Variants in MYOF observed in about 807,000 individuals in gnomAD.
MYOF encodes fer-1-like 3, myoferlin.
In MYOF, 244 loss-of-function variants were observed where a neutral mutation model predicts 284.2. That is an observed-to-expected ratio of 0.86 (90% CI 0.77 to 0.95). The LOEUF is 0.95. Among genes scored for constraint, MYOF ranks in the 40% least tolerant of loss-of-function variants. The pLI, the probability that MYOF is intolerant of heterozygous loss-of-function variation, is 0.00. For missense variants in MYOF, 2,496 were observed against 2,560.6 expected, an observed-to-expected ratio of 0.97 and a Z score of 0.54; for synonymous variants, 904 against 919.7, an observed-to-expected ratio of 0.98 and a Z score of 0.31.
chr10:93,417,554 C>T (rs1848186824), intron 5 of MYOF, among the ~76,000 whole-genome samples: 1 of 151,976 alleles, frequency 6.6e-6, no homozygotes, highest in Admixed American at 6.6e-5. Flanking sequence ...TATCAATGTC[C>T]CTTCTTCCTC....
rs762167979 is a variant in MYOF at position 93,329,826 on chromosome 10, TC to T, written c.4819del (p.Glu1607AsnfsTer2). 33 of 1,614,038 alleles carry T rather than the reference TC, an allele frequency of 2.0e-5. No individual in the cohort carries two copies. Among genetic ancestry groups the T allele is most frequent in the African/African-American group, 4.0e-5 (3 of 74,910 alleles). On this transcript the variant is annotated frameshift_variant, in exon 44 of 54. Transcript: ENST00000359263. LOFTEE classifies it high-confidence loss of function. The stretch of plus-strand genomic sequence containing the variant: ...TTCTTGAGGTAAGTAGCAGCTCAGT[TC>T]GTACATCCTAAATAAACAAATGCAA... ...TLNPVFGRMY[E>X]LSCYLPQEKD...
intron 19 of MYOF, among the ~76,000 whole-genome samples, chr10:93,381,762 T>C (rs61866238): frequency 0.48 from 73,701 of 152,134 alleles, 19,365 homozygotes; most frequent in East Asian, 0.86. Context: ...TTGGGCTGGG[T>C]ACGGTGGCTC....
intron 30 of MYOF, among the ~76,000 whole-genome samples, chr10:93,356,413 G>C (rs954587623): frequency 6.6e-6 from 1 of 152,180 alleles, no homozygotes; most frequent in African/African-American, 2.4e-5. Context: ...AAGGGTCCTG[G>C]AACAGATATA....
intron 45 of MYOF, 48 bp downstream of exon 45, chr10:93,328,714 TG>T (rs1246552850): frequency 6.4e-7 from 1 of 1,561,672 alleles, no homozygotes; most frequent in Non-Finnish European, 8.8e-7. Flanking sequence ...GCAATATATA[TG>T]GGTTACTATA....
At chr10:93,477,396 G>A (rs575044273) in intron 1 of MYOF, among the ~76,000 whole-genome samples, 2 of 152,154 alleles carry the variant, frequency 1.3e-5, no homozygotes, top group South Asian at 4.1e-4. Flanking sequence ...GGAGACTGAG[G>A]CAGGAGAATC....
chr10:93,434,427 TCTC>T, intron 3 of MYOF, among the ~76,000 whole-genome samples: 1 of 51,440 alleles, frequency 1.9e-5, no homozygotes. Context: ...CAAGACCCTG[TCTC>T]AAAAAAAAAA....
At chr10:93,400,359 T>C (rs989081648) in intron 12 of MYOF, among the ~76,000 whole-genome samples, 2 of 150,790 alleles carry the variant, frequency 1.3e-5, no homozygotes, top group African/African-American at 4.9e-5. Context: ...GAGACAGTAG[T>C]CTTGCTATGT....
chr10:93,366,399 C>T lies in MYOF; in HGVS notation c.2746G>A (p.Glu916Lys), dbSNP rs1845328819. 6.2e-7 allele frequency: 1 copy of T among 1,610,916 alleles called. No homozygotes were observed. The highest frequency in any genetic ancestry group is 8.5e-7 in the Non-Finnish European group (1 of 1,179,310). Residue 916 changes from glutamate to lysine, a missense_variant, in exon 26 of 54, where the codon GAA (glutamate) becomes AAA (lysine). By Grantham distance (56) the Glu-to-Lys change is moderately conservative. This residue lies in a region of MYOF where 2,436 missense variants were observed against 2,480.7 expected (regional missense o/e 0.98). Transcript: ENST00000359263. ...AGAAAATGGACAACTTACCTTCTTT[C>T]AGGATCAACTATCCACTCTCCTTCC... Reference protein sequence around the residue: ...EWEGEWIVDPERSLLTEADAG... With the variant: ...EWEGEWIVDPKRSLLTEADAG...
chr10:93,396,174 G>A lies in MYOF; in HGVS notation c.1385C>T (p.Ser462Phe), dbSNP rs748765379. 1.2e-6 allele frequency: 2 copies of A among 1,609,792 alleles called. No homozygotes were observed. Among genetic ancestry groups the A allele is most frequent in the South Asian group, 2.2e-5 (2 of 90,342 alleles). Residue 462 changes from serine to phenylalanine, a missense_variant, in exon 16 of 54, where the codon TCT becomes TTT. By Grantham distance (155) the Ser-to-Phe change is radical. Coordinates refer to ENST00000359263, the MANE Select transcript of MYOF (RefSeq NM_013451.4). ...DVVGTTYLHL[S>F]KIAASGGEVE... ...TTCCCCACCAGAGGCAGCAATTTTA[G>A]AGAGGTGTAGATATGTTGTTCCAAC...
At chr10:93,402,637 T>A (rs1369475829) in intron 10 of MYOF, among the ~76,000 whole-genome samples, 1 of 152,172 alleles carries the variant, frequency 6.6e-6, no homozygotes, top group Non-Finnish European at 1.5e-5. Flanking sequence ...AGAAATCATC[T>A]ATTTTGAATG....
chr10:93,306,936 A>T lies in MYOF; in HGVS notation c.*27T>A. The T allele has an allele frequency of 1.9e-6, 3 of 1,607,196 alleles. No homozygotes were observed. The highest frequency in any genetic ancestry group is 2.6e-6 in the Non-Finnish European group (3 of 1,174,516). ...GGCAGGATTCTCTCATTGCTGGATG[A>T]CTCTTGAAATGAAGCCTTTGCCTTT... On this transcript the variant is annotated 3_prime_UTR_variant, in exon 54 of 54. Transcript: ENST00000359263.
At chr10:93,340,529 C>T (rs765014336) in intron 38 of MYOF, among the ~76,000 whole-genome samples, 12 of 152,134 alleles carry the variant, frequency 7.9e-5, no homozygotes, top group African/African-American at 1.4e-4. Flanking sequence ...AGCTGCTCAT[C>T]CCCCTACCCC....
At chr10:93,443,168 A>T (rs78842835) in intron 3 of MYOF, among the ~76,000 whole-genome samples, 5 of 152,030 alleles carry the variant, frequency 3.3e-5, no homozygotes, top group Non-Finnish European at 5.9e-5. Context: ...CTCACAAAAA[A>T]TTTTTTTTAA....
At chr10:93,453,533 A>G (rs2056653565) in intron 2 of MYOF, among the ~76,000 whole-genome samples, 1 of 151,966 alleles carries the variant, frequency 6.6e-6, no homozygotes, top group Non-Finnish European at 1.5e-5. Flanking sequence ...TCCTGACCTC[A>G]TGTGATCTAC....
intron 45 of MYOF, among the ~76,000 whole-genome samples, chr10:93,326,400 T>G (rs1843049705): frequency 6.6e-6 from 1 of 152,110 alleles, no homozygotes; most frequent in Non-Finnish European, 1.5e-5. Context: ...TCTATGTGCC[T>G]TTTTCTTCTG....
rs147455978 is a variant in MYOF, at chr10:93,450,530, C to T, written c.236+1520G>A. On this transcript the variant is annotated intron_variant, in intron 3 of 53. Transcript: ENST00000359263. The stretch of plus-strand genomic sequence containing the variant: ...CGGAGGTTGCGGTAAGCTGAGATTG[C>T]GCCACTGCACTCCAGCCTGGGTGAC... Among the ~76,000 whole-genome samples, 681 of 151,256 alleles carry T rather than the reference C, an allele frequency of 4.5e-3. 4 individuals are homozygous for T. Among genetic ancestry groups the T allele is most frequent in the African/African-American group, 0.016 (656 of 41,172 alleles).
Position 93,306,933 on chromosome 10 carries a change from AT to A in MYOF, c.*29del. 3 of 1,606,308 alleles carry A rather than the reference AT, an allele frequency of 1.9e-6. No individual in the cohort carries two copies. Among genetic ancestry groups the A allele is most frequent in the Non-Finnish European group, 2.6e-6 (3 of 1,173,336 alleles). On this transcript the variant is annotated 3_prime_UTR_variant, in exon 54 of 54. Transcript: ENST00000359263. ...AGAGGCAGGATTCTCTCATTGCTGGATGACTCTTGAAATGAAGCCTTTGCCT... is the reference window on the plus strand; with the variant it reads ...AGAGGCAGGATTCTCTCATTGCTGGAGACTCTTGAAATGAAGCCTTTGCCT...
At chr10:93,369,110 C>CTTTGTTTTTTTT (rs1845459668) in intron 25 of MYOF, among the ~76,000 whole-genome samples, 1 of 78,308 alleles carries the variant, frequency 1.3e-5, no homozygotes, top group Non-Finnish European at 2.1e-5. Context: ...ATTCAGACAG[C>CTTTGTTTTTTTT]TTTTTTTTTT....
intron 3 of MYOF, among the ~76,000 whole-genome samples, chr10:93,451,534 T>C (rs1437437750): frequency 6.6e-6 from 1 of 151,900 alleles, no homozygotes; most frequent in African/African-American, 2.4e-5. Flanking sequence ...GGCACCACCG[T>C]GACCCTTCCC....
Sources: allele counts gnomAD v4.1 joint callset (sites outside exome capture counted in the v4.1 genomes callset), GRCh38; gene constraint gnomAD v4.1.1; regional missense constraint gnomAD v4.1.1; transcripts MANE v1.5; gene names NCBI Gene and HGNC (gene_info 2026-07-23, HGNC 2026-07-21).